Variants in BICRAL observed in about 807,000 individuals in gnomAD.
BICRAL encodes the protein BICRA like chromatin remodeling complex associated protein.
BICRAL carries 8 observed loss-of-function variants against 91.8 expected under a neutral mutation model. The ratio of observed to expected loss-of-function variants is 0.09; its 90% confidence interval spans 0.05 to 0.16. BICRAL has a LOEUF of 0.16. Among genes scored for constraint, BICRAL ranks in the 10% least tolerant of loss-of-function variants. BICRAL has a pLI of 1.00. For synonymous variants in BICRAL, 445 were observed against 491.1 expected, an observed-to-expected ratio of 0.91 and a Z score of 1.24; for missense variants, 1,038 against 1,310.9, an observed-to-expected ratio of 0.79 and a Z score of 3.21.
At chr6:42,783,285 G>A (rs1387992866) in intron 1 of BICRAL, among the ~76,000 whole-genome samples, 1 of 152,020 alleles carries the variant, frequency 6.6e-6, no homozygotes, top group Non-Finnish European at 1.5e-5. Flanking sequence ...CGGCGGCCCA[G>A]CCGGGCGTCT....
At chr6:42,823,407 C>G in intron 5 of BICRAL, among the ~76,000 whole-genome samples, 1 of 152,136 alleles carries the variant, frequency 6.6e-6, no homozygotes, top group East Asian at 1.9e-4. Flanking sequence ...CAGGTATGAG[C>G]CACTGTGCCC....
At chr6:42,818,714 AT>A (rs1562477188) in intron 2 of BICRAL, among the ~76,000 whole-genome samples, 1 of 151,910 alleles carries the variant, frequency 6.6e-6, no homozygotes, top group Non-Finnish European at 1.5e-5. Context: ...TCCATCCACC[AT>A]TTAACTCCTA....
At chr6:42,750,821 G>T (rs897675892) in intron 1 of BICRAL, among the ~76,000 whole-genome samples, 1 of 143,992 alleles carries the variant, frequency 6.9e-6, no homozygotes, top group Admixed American at 7.0e-5. Flanking sequence ...GAGATGATCC[G>T]CCTGCCTCAG....
intron 1 of BICRAL, among the ~76,000 whole-genome samples, chr6:42,765,808 A>G (rs1414208892): frequency 2.0e-5 from 3 of 151,956 alleles, no homozygotes; most frequent in Admixed American, 1.3e-4. Flanking sequence ...CTTTTTTTTT[A>G]AGAACCTGTA....
intron 2 of BICRAL, among the ~76,000 whole-genome samples, chr6:42,814,519 A>ATATATATATATTT (rs1237976324): frequency 2.5e-5 from 2 of 80,212 alleles, no homozygotes; most frequent in African/African-American, 1.3e-4. Context: ...ATATATATAT[A>ATATATATATATTT]TTTTTTTTTT....
intron 1 of BICRAL, among the ~76,000 whole-genome samples, chr6:42,775,539 C>T (rs924857129): frequency 6.6e-6 from 1 of 152,196 alleles, no homozygotes; most frequent in African/African-American, 2.4e-5. Flanking sequence ...ACATCCTGGG[C>T]ATGCCTTCCA....
At chr6:42,794,974 G>T (rs1240999494) in intron 1 of BICRAL, among the ~76,000 whole-genome samples, 1 of 138,662 alleles carries the variant, frequency 7.2e-6, no homozygotes, top group East Asian at 2.2e-4. Flanking sequence ...AAAAAAAAAA[G>T]AAACTTACCA....
At chr6:42,800,016 A>C (rs1763522170) in intron 1 of BICRAL, among the ~76,000 whole-genome samples, 1 of 151,978 alleles carries the variant, frequency 6.6e-6, no homozygotes, top group Non-Finnish European at 1.5e-5. Context: ...AGTAGCTGGA[A>C]TTACAGGCAT....
chr6:42,793,296 ATTTTTT>A lies in BICRAL; in HGVS notation c.-102+11219_-102+11224del, dbSNP rs35332872. Among the ~76,000 whole-genome samples, 50 of 22,970 alleles carry A rather than the reference ATTTTTT, an allele frequency of 2.2e-3. 2 individuals are homozygous for A. Among genetic ancestry groups the A allele is most frequent in the African/African-American group, 7.3e-3 (38 of 5,232 alleles). 15.1% of individuals were successfully genotyped at this position (22,970 alleles called of 152,430 possible). A position where few individuals can be genotyped will look rare whatever the true frequency, so the allele number is the denominator to read the frequency against. The stretch of plus-strand genomic sequence containing the variant: ...GTAGCTGGGATTACAGACCCAGCTA[ATTTTTT>A]TTTTTTTTTTTTTTTTTTTTTTTGT... On this transcript the variant is annotated intron_variant, in intron 1 of 12. Transcript: ENST00000314073.
intron 6 of BICRAL, among the ~76,000 whole-genome samples, chr6:42,847,104 GC>G (rs993193034): frequency 6.6e-6 from 1 of 152,120 alleles, no homozygotes; most frequent in African/African-American, 2.4e-5. Context: ...AGAAACATTA[GC>G]CAGGTACAGT....
At chr6:42,751,144 C>T (rs1762373662) in intron 1 of BICRAL, among the ~76,000 whole-genome samples, 1 of 151,146 alleles carries the variant, frequency 6.6e-6, no homozygotes, top group African/African-American at 2.4e-5. Context: ...TATTGTGTCC[C>T]TTAAATCACT....
At position 42,867,906 on chromosome 6, in the gene BICRAL, T is replaced by C. The variant is rs1765759738; in HGVS notation, c.*2460T>C. The C allele has an allele frequency of 6.6e-6, 1 of 152,532 alleles. No homozygotes were observed. Among genetic ancestry groups the C allele is most frequent in the African/African-American group, 2.4e-5 (1 of 41,446 alleles). The allele number at this position is 152,532 out of a possible 1,614,324, so 9.4% of individuals were successfully genotyped here. Reference sequence around the variant, plus strand: ...ATGAAGATTATGACATGTATTTCACTCCTGTGATTAGGTTCTACGCACATG... The same window carrying C: ...ATGAAGATTATGACATGTATTTCACCCCTGTGATTAGGTTCTACGCACATG... On this transcript the variant is annotated 3_prime_UTR_variant, in exon 13 of 13. Coordinates refer to ENST00000314073, the MANE Select transcript of BICRAL (RefSeq NM_001393499.1).
chr6:42,852,062 T>C (rs1765199547), intron 6 of BICRAL, 30 bp from the exon 7 acceptor site: 3 of 1,285,014 alleles, frequency 2.3e-6, no homozygotes, highest in Admixed American at 1.8e-5. Context: ...GAAATGAAAT[T>C]AATGTTTTCA....
chr6:42,855,566 T>C (rs550209834), intron 8 of BICRAL, among the ~76,000 whole-genome samples: 2 of 151,626 alleles, frequency 1.3e-5, no homozygotes, highest in South Asian at 4.2e-4. Context: ...ATGATGATGA[T>C]GATGATGGTG....
intron 1 of BICRAL, among the ~76,000 whole-genome samples, chr6:42,765,743 C>T (rs1182701759): frequency 2.6e-5 from 4 of 152,058 alleles, no homozygotes; most frequent in Non-Finnish European, 5.9e-5. Flanking sequence ...ATTCCTGGTG[C>T]TCTCTTGTTG....
chr6:42,821,427 CA>C (rs1764133324), intron 2 of BICRAL, among the ~76,000 whole-genome samples: 1 of 152,100 alleles, frequency 6.6e-6, no homozygotes, highest in Non-Finnish European at 1.5e-5. Context: ...TGGAGTTGAA[CA>C]GGGGTGGTGC....
chr6:42,856,461 GCCTTCTGGGCTCAAGTGATTCTCCCA>G (rs1284425020), intron 9 of BICRAL, among the ~76,000 whole-genome samples: 1 of 120,938 alleles, frequency 8.3e-6, no homozygotes, highest in Non-Finnish European at 1.6e-5. Flanking sequence ...TACAGCCTCC[GCCTTCTGGGCTCAAGTGATTCTCCCA>G]CCTCAGCCTC....
In BICRAL at chr6:42,829,711, G is replaced by A. The variant is rs746876231; in HGVS notation, c.1378G>A (p.Gly460Arg). The A allele has an allele frequency of 2.5e-6, 4 of 1,614,130 alleles. No homozygotes were observed. The highest frequency in any genetic ancestry group is 2.2e-5 in the South Asian group (2 of 91,080). The stretch of plus-strand genomic sequence containing the variant: ...GCTCAGGACCAACCAACCATATACT[G>A]GACCGATGCTTAACAACCAGAATAC... ...NMLRTNQPYT[G>R]PMLNNQNTAV... Residue 460 changes from glycine to arginine, a missense_variant, in exon 6 of 13, where the codon GGA (glycine) becomes AGA (arginine). This residue lies in a region of BICRAL where 532 missense variants were observed against 724.9 expected (regional missense o/e 0.73). Coordinates refer to ENST00000314073, the MANE Select transcript of BICRAL (RefSeq NM_001393499.1).
intron 7 of BICRAL, among the ~76,000 whole-genome samples, chr6:42,853,090 T>C (rs1582874547): frequency 6.7e-6 from 1 of 149,006 alleles, no homozygotes; most frequent in Non-Finnish European, 1.5e-5. Context: ...AAAGAAAAGG[T>C]ATTTTACAGT....
Sources: gnomAD v4.1 joint callset for allele counts (sites outside exome capture counted in the v4.1 genomes callset) on GRCh38, gnomAD v4.1.1 for gene constraint, gnomAD v4.1.1 regional missense constraint, MANE v1.5 for transcripts, NCBI Gene and HGNC (gene_info 2026-07-23, HGNC 2026-07-21) for gene names.